Variants in ASB14 observed in about 807,000 individuals in gnomAD.
ASB14 encodes the protein ankyrin repeat and SOCS box containing 14.
ASB14 carries 63 observed loss-of-function variants against 55.6 expected under a neutral mutation model. That is an observed-to-expected ratio of 1.13 (90% CI 0.92 to 1.40). The LOEUF is 1.40. Among genes scored for constraint, ASB14 ranks in the 40% most tolerant of loss-of-function variants. ASB14 has a pLI of 0.00. For missense variants in ASB14, 724 were observed against 710.4 expected (o/e 1.02, Z -0.22); for synonymous variants, 256 against 259.9 (o/e 0.98, Z 0.15).
chr3:57,282,687 T>C (rs2061049167), intron 6 of ASB14, among the ~76,000 whole-genome samples: 1 of 152,224 alleles, frequency 6.6e-6, no homozygotes. Flanking sequence ...TGCTTTTGCT[T>C]AGATAGTACC....
intron 10 of ASB14, chr3:57,273,407 G>GTTGT (rs544570326): frequency 6.1e-4 from 93 of 152,696 alleles, no homozygotes; most frequent in African/African-American, 2.0e-3. Context: ...CAGGAAAAAA[G>GTTGT]TTGTTAGAAG....
At chr3:57,285,109 T>C (rs2061071559) in intron 5 of ASB14, among the ~76,000 whole-genome samples, 1 of 151,942 alleles carries the variant, frequency 6.6e-6, no homozygotes, top group African/African-American at 2.4e-5. Flanking sequence ...CTCTGCTAAT[T>C]TTTGTATTTT....
chr3:57,281,341 AG>A (rs1421157938), intron 6 of ASB14, among the ~76,000 whole-genome samples: 1 of 145,398 alleles, frequency 6.9e-6, no homozygotes, highest in Non-Finnish European at 1.6e-5. Flanking sequence ...TGGGGTTGTA[AG>A]GGGGGCTGGG....
chr3:57,275,269 T>C (rs1372470747), intron 10 of ASB14, among the ~76,000 whole-genome samples: 1 of 151,980 alleles, frequency 6.6e-6, no homozygotes, highest in Non-Finnish European at 1.5e-5. Flanking sequence ...CTGGCCAACA[T>C]GATGAAACCC....
At position 57,277,800 on chromosome 3, in the gene ASB14, G is replaced by GT; in HGVS notation, c.1551dup (p.Gln518ThrfsTer76). On this transcript the variant is annotated frameshift_variant, in exon 9 of 11. Transcript: ENST00000487349. LOFTEE classifies it high-confidence loss of function. ...AAATGTATTTCTGACCAGATCCCCT[G>GT]TTTTTGGAGCACAGCTTTCAACTTT... 1 of 1,612,850 alleles carries GT rather than the reference G, an allele frequency of 6.2e-7. No individual in the cohort carries two copies. The highest frequency in any genetic ancestry group is 8.5e-7 in the Non-Finnish European group (1 of 1,179,666).
In ASB14 at chr3:57,288,014, G is replaced by C; in HGVS notation, c.356C>G (p.Thr119Arg). ...ACTGCTGACAGCCAAAAAAAGTGGC[G>C]TTTCACCATTGTGAGTGGTTTGCTC... is the stretch of plus-strand genomic sequence containing the variant. ...LWEQTTHNGE[T>R]PLFLAVSSCL... The change falls in exon 5 of 11, where the codon ACG becomes AGG. Residue 119 changes from threonine (T) to arginine (R), a missense_variant. Transcript: ENST00000487349. The C allele has an allele frequency of 6.5e-7, 1 of 1,537,334 alleles. No individual in the cohort carries two copies. Among genetic ancestry groups the C allele is most frequent in the Non-Finnish European group, 8.7e-7 (1 of 1,146,922 alleles).
At chr3:57,275,157 C>G (rs1316129152) in intron 10 of ASB14, among the ~76,000 whole-genome samples, 1 of 152,022 alleles carries the variant, frequency 6.6e-6, no homozygotes, top group Non-Finnish European at 1.5e-5. Flanking sequence ...CGGCCCAAAA[C>G]TATTAAAAGG....
rs1368312160 is a variant in ASB14 at position 57,268,480 on chromosome 3, T to C, written c.*1161A>G. On this transcript the variant is annotated 3_prime_UTR_variant, in exon 11 of 11. Transcript: ENST00000487349. ...AAAGAACTCAATAAACAAAAACAGA[T>C]TGAAAAGGTATACAGTCCTAATGTC... 1.9e-6 allele frequency: 3 copies of C among 1,604,784 alleles called. No individual in the cohort carries two copies. The highest frequency in any genetic ancestry group is 2.7e-5 in the African/African-American group (2 of 74,460).
intron 8 of ASB14, among the ~76,000 whole-genome samples, 156 bp downstream of exon 8, chr3:57,278,219 TTG>T (rs781482337): frequency 6.6e-6 from 1 of 152,218 alleles, no homozygotes; most frequent in Non-Finnish European, 1.5e-5. Context: ...CTTTCTACTA[TTG>T]TGTTTATTTT....
chr3:57,289,028 T>A (rs1257414806), intron 3 of ASB14, 40 bp downstream of exon 3: 10 of 1,420,858 alleles, frequency 7.0e-6, no homozygotes, highest in Non-Finnish European at 8.6e-6. Flanking sequence ...AATGTCACCG[T>A]CACATCTTAC....
At chr3:57,273,728 C>CTACT (rs1238046967) in intron 10 of ASB14, among the ~76,000 whole-genome samples, 1 of 152,138 alleles carries the variant, frequency 6.6e-6, no homozygotes, top group East Asian at 1.9e-4. Flanking sequence ...CTGTTTGGTC[C>CTACT]TACTTACAGA....
At chr3:57,282,779 T>C (rs2061049457) in intron 6 of ASB14, among the ~76,000 whole-genome samples, 1 of 152,152 alleles carries the variant, frequency 6.6e-6, no homozygotes, top group African/African-American at 2.4e-5. Flanking sequence ...AGAGAAGAAA[T>C]CAGGAATAAT....
intron 6 of ASB14, among the ~76,000 whole-genome samples, chr3:57,282,452 G>A (rs1030199033): frequency 1.3e-5 from 2 of 152,074 alleles, no homozygotes; most frequent in African/African-American, 4.8e-5. Flanking sequence ...AGCTCTCCTC[G>A]AAGACAGTAA....
chr3:57,276,832 T>C, intron 9 of ASB14, 104 bp from the exon 10 acceptor site: 4 of 1,085,926 alleles, frequency 3.7e-6, no homozygotes, highest in Non-Finnish European at 5.3e-6. Context: ...TTGCTGTTAC[T>C]AAATGGCAAA....
rs2061097052 is a variant in ASB14, at chr3:57,288,259, G to A, written c.206C>T (p.Thr69Ile). The A allele has an allele frequency of 6.5e-7, 1 of 1,537,084 alleles. No homozygotes were observed. Among genetic ancestry groups the A allele is most frequent in the Non-Finnish European group, 8.7e-7 (1 of 1,146,624 alleles). The change falls in exon 4 of 11, where the codon ACC becomes ATC. Residue 69 changes from threonine (T) to isoleucine (I), a missense_variant. By Grantham distance (89) the Thr-to-Ile change is moderately conservative. Transcript: ENST00000487349. Reference sequence around the variant, plus strand: ...TTCACCAAATGCGGAATGGTACTTGGTTAAGTGTGACAATGCATCTTCCTT... The same window carrying A: ...TTCACCAAATGCGGAATGGTACTTGATTAAGTGTGACAATGCATCTTCCTT... ...KGKEDALSHL[T>I]KYHSAFGEAD... is the part of the protein sequence containing the mutation.
Position 57,288,014 on chromosome 3 carries a change from G to A in ASB14, c.356C>T (p.Thr119Met), listed in dbSNP as rs374233584. Residue 119 changes from threonine to methionine, a missense_variant, in exon 5 of 11, where the codon ACG (threonine) becomes ATG (methionine). By Grantham distance (81) the Thr-to-Met change is moderately conservative. Coordinates refer to ENST00000487349, the MANE Select transcript of ASB14 (RefSeq NM_001142733.3). ...LWEQTTHNGE[T>M]PLFLAVSSCL... ...ACTGCTGACAGCCAAAAAAAGTGGC[G>A]TTTCACCATTGTGAGTGGTTTGCTC... The A allele has an allele frequency of 3.3e-5, 50 of 1,537,216 alleles. No homozygotes were observed. Among genetic ancestry groups the A allele is most frequent in the South Asian group, 5.9e-5 (5 of 84,064 alleles).
At chr3:57,280,234 G>A in intron 7 of ASB14, 68 bp downstream of exon 7, 1 of 862,364 alleles carries the variant, frequency 1.2e-6, no homozygotes, top group South Asian at 2.5e-5. Context: ...AAAGTTCCTA[G>A]AAGCAGCACA....
intron 2 of ASB14, among the ~76,000 whole-genome samples, chr3:57,291,512 G>A (rs186830700): frequency 8.7e-4 from 133 of 152,268 alleles, no homozygotes; most frequent in Non-Finnish European, 1.3e-3. Context: ...GTAGATCAAA[G>A]ACTGGACCCC....
At chr3:57,288,673 GGGAA>G (rs2061101159) in intron 3 of ASB14, among the ~76,000 whole-genome samples, 1 of 149,652 alleles carries the variant, frequency 6.7e-6, no homozygotes, top group Non-Finnish European at 1.5e-5. Context: ...GAGCTTCGAG[GGGAA>G]ATGCTGCCAG....
Sources: gnomAD v4.1 joint callset for allele counts (sites outside exome capture counted in the v4.1 genomes callset) on GRCh38, gnomAD v4.1.1 for gene constraint, MANE v1.5 for transcripts, NCBI Gene and HGNC (gene_info 2026-07-23, HGNC 2026-07-21) for gene names.